UBAC2: variants seen among roughly 807,000 people sequenced by gnomAD.
UBAC2 encodes the protein UBA domain containing 2.
In UBAC2, 26 loss-of-function variants were observed where a neutral mutation model predicts 44.0. That is an observed-to-expected ratio of 0.59 (90% confidence interval 0.43 to 0.82). UBAC2 has a LOEUF of 0.82. UBAC2 is among the 40% of genes least tolerant of loss of function. The pLI is 0.00. For synonymous variants in UBAC2, 155 were observed against 154.3 expected (o/e 1.00, Z -0.04); for missense variants, 329 against 419.4 (o/e 0.78, Z 1.88).
At position 99,255,222 on chromosome 13, in the gene UBAC2, G is replaced by A. The variant is rs747716613; in HGVS notation, c.389+10598G>A. Reference sequence around the variant, plus strand: ...CTTTGGGTTTCAGCTTAGACGTCCTGCCGTGAAGGAGATTATGAATAATGA... The same window carrying A: ...CTTTGGGTTTCAGCTTAGACGTCCTACCGTGAAGGAGATTATGAATAATGA... On this transcript the variant is annotated intron_variant, in intron 4 of 8. Transcript: ENST00000403766. 4.3e-6 allele frequency: 7 copies of A among 1,613,976 alleles called. No individual in the cohort carries two copies. In the African/African-American group the frequency reaches 9.3e-5, roughly 22 times the overall value.
At chr13:99,310,187 TGTG>T (rs1442917439) in intron 4 of UBAC2, among the ~76,000 whole-genome samples, 2 of 152,122 alleles carry the variant, frequency 1.3e-5, no homozygotes, top group African/African-American at 4.8e-5. Flanking sequence ...ATTAGCCAGG[TGTG>T]GTGGCACACA....
At chr13:99,327,067 C>A (rs554239710) in intron 6 of UBAC2, among the ~76,000 whole-genome samples, 1 of 152,178 alleles carries the variant, frequency 6.6e-6, no homozygotes, top group Non-Finnish European at 1.5e-5. Flanking sequence ...GCTATGCTTT[C>A]TCTTCTAAAA....
intron 6 of UBAC2, among the ~76,000 whole-genome samples, chr13:99,337,085 G>A (rs1021091222): frequency 4.6e-5 from 7 of 152,228 alleles, no homozygotes; most frequent in African/African-American, 1.7e-4. Flanking sequence ...GTGGAATCGT[G>A]TTTTCAGGCT....
chr13:99,260,049 C>T (rs1218675152), intron 4 of UBAC2, among the ~76,000 whole-genome samples: 1 of 152,188 alleles, frequency 6.6e-6, no homozygotes, highest in African/African-American at 2.4e-5. Flanking sequence ...CTCTTCCTGC[C>T]TCTCACATGC....
chr13:99,313,626 C>T (rs1283360014), intron 4 of UBAC2, among the ~76,000 whole-genome samples: 2 of 152,022 alleles, frequency 1.3e-5, no homozygotes, highest in Middle Eastern at 3.2e-3. Flanking sequence ...CACTGAGAAG[C>T]AGGGTTTCAG....
intron 1 of UBAC2, among the ~76,000 whole-genome samples, chr13:99,213,391 T>A (rs1470956740): frequency 6.6e-6 from 1 of 152,000 alleles, no homozygotes; most frequent in Non-Finnish European, 1.5e-5. Context: ...GACAAGGTCT[T>A]GCTCTGTCGT....
intron 4 of UBAC2, 78 bp from the exon 5 acceptor site, chr13:99,314,019 G>GTGT: frequency 7.4e-7 from 1 of 1,349,128 alleles, no homozygotes; most frequent in Admixed American, 2.1e-5. Flanking sequence ...ATTATAAGCA[G>GTGT]TGTTACTTCA....
chr13:99,359,492 TC>T (rs1313136180), intron 7 of UBAC2, among the ~76,000 whole-genome samples: 1 of 152,204 alleles, frequency 6.6e-6, no homozygotes, highest in East Asian at 1.9e-4. Flanking sequence ...TGTCAGAGAC[TC>T]CTGTTAAATC....
intron 1 of UBAC2, among the ~76,000 whole-genome samples, chr13:99,206,959 A>C (rs561224358): frequency 6.6e-6 from 1 of 152,358 alleles, no homozygotes; most frequent in Admixed American, 6.5e-5. Context: ...ATCCAGAAGA[A>C]TGAAGCAGCC....
chr13:99,200,950 G>A lies in UBAC2; in HGVS notation c.31+11G>A. On this transcript the variant is annotated intron_variant, in intron 1 of 8. Coordinates refer to ENST00000403766, the MANE Select transcript of UBAC2 (RefSeq NM_001144072.2). ...GCTCCAGTGGGCTCTGTGAGTACCG[G>A]CCTCCGCCATCCTGGCTGCCCCCTA... is the stretch of plus-strand genomic sequence containing the variant. 1 of 1,307,266 alleles carries A rather than the reference G, an allele frequency of 7.6e-7. No homozygotes were observed. Among genetic ancestry groups the A allele is most frequent in the African/African-American group, 1.5e-5 (1 of 66,202 alleles). 81.0% of individuals were successfully genotyped at this position (1,307,266 alleles called of 1,614,324 possible).
rs1457454958 is a variant in UBAC2, at chr13:99,206,180, G to C, written c.31+5241G>C. Among the ~76,000 whole-genome samples, 5 of 152,322 alleles carry C rather than the reference G, an allele frequency of 3.3e-5. No homozygotes were observed. The Middle Eastern group carries it at 0.014, about 414-fold the overall frequency. On this transcript the variant is annotated intron_variant, in intron 1 of 8. Transcript: ENST00000403766. ...TTGAGGGGTTTGCAGAGTCCGGTCA[G>C]AGGTACTCGGGACACTTGGGGAAAG...
At chr13:99,291,712 TCTATATTGTGTAACTG>T (rs1173617216) in intron 4 of UBAC2, among the ~76,000 whole-genome samples, 1 of 152,234 alleles carries the variant, frequency 6.6e-6, no homozygotes, top group Non-Finnish European at 1.5e-5. Context: ...GGGCATACGC[TCTATATTGTGTAACTG>T]CCTTCAGTTA....
Position 99,340,552 on chromosome 13 carries a change from A to C in UBAC2, c.794A>C (p.Gln265Pro). The C allele has an allele frequency of 1.2e-6, 2 of 1,613,600 alleles. No individual in the cohort carries two copies. The highest frequency in any genetic ancestry group is 2.2e-5 in the South Asian group (2 of 91,050). ...MFSQFAQGRR[Q>P]RQQQGGMINW... is the part of the protein sequence containing the mutation. The stretch of plus-strand genomic sequence containing the variant: ...TCTCAGTTTGCACAAGGGAGGCGAC[A>C]GAGACAGCAGCAGGTAAAAGTGATA... Residue 265 changes from glutamine to proline, a missense_variant, in exon 7 of 9, where the codon CAG becomes CCG. By Grantham distance (76) the Gln-to-Pro change is moderately conservative (BLOSUM62 -1). Coordinates refer to ENST00000403766, the MANE Select transcript of UBAC2 (RefSeq NM_001144072.2).
Position 99,304,412 on chromosome 13 carries a change from C to T in UBAC2, c.390-9685C>T, listed in dbSNP as rs1390929182. On this transcript the variant is annotated intron_variant, in intron 4 of 8. Transcript: ENST00000403766. ...GTGCTGTGCTCTGTCATAGTGTCTG[C>T]ATCATTGATTTTCTTCCCTGTCTCC... Among the ~76,000 whole-genome samples the T allele has an allele frequency of 2.0e-5, 3 of 152,288 alleles. No homozygotes were observed. In the East Asian group the frequency reaches 5.8e-4, roughly 29 times the overall value.
intron 8 of UBAC2, among the ~76,000 whole-genome samples, chr13:99,373,505 G>A (rs2045437433): frequency 6.6e-6 from 1 of 152,196 alleles, no homozygotes; most frequent in African/African-American, 2.4e-5. Flanking sequence ...GCGCTGTGCT[G>A]AATTCTGAAA....
At chr13:99,210,359 T>G (rs563005099) in intron 1 of UBAC2, among the ~76,000 whole-genome samples, 4 of 152,202 alleles carry the variant, frequency 2.6e-5, no homozygotes, top group African/African-American at 9.6e-5. Flanking sequence ...AATATCTAAA[T>G]AATAGGTAAA....
chr13:99,302,189 C>A (rs1422259640), intron 4 of UBAC2, among the ~76,000 whole-genome samples: 1 of 152,164 alleles, frequency 6.6e-6, no homozygotes, highest in Non-Finnish European at 1.5e-5. Context: ...CACACAGATA[C>A]TAATTATATG....
At chr13:99,264,466 C>A (rs1028314569) in intron 4 of UBAC2, among the ~76,000 whole-genome samples, 2 of 152,350 alleles carry the variant, frequency 1.3e-5, no homozygotes, top group African/African-American at 4.8e-5. Flanking sequence ...GCTGTAGACA[C>A]TAAGCACTAG....
At chr13:99,323,458 A>T (rs977020881) in intron 6 of UBAC2, among the ~76,000 whole-genome samples, 1 of 152,158 alleles carries the variant, frequency 6.6e-6, no homozygotes, top group Non-Finnish European at 1.5e-5. Context: ...CAAACAAACA[A>T]ACAAAAATTT....
Sources: gnomAD v4.1 joint callset for allele counts (sites outside exome capture counted in the v4.1 genomes callset) on GRCh38, gnomAD v4.1.1 for gene constraint, MANE v1.5 for transcripts, NCBI Gene and HGNC (gene_info 2026-07-23, HGNC 2026-07-21) for gene names.